FHOD1: variants seen among roughly 807,000 people sequenced by gnomAD.
The protein encoded by FHOD1 is formin homology 2 domain containing 1.
FHOD1 carries 89 observed loss-of-function variants against 111.6 expected under a neutral mutation model. The ratio of observed to expected loss-of-function variants is 0.80; its 90% confidence interval spans 0.67 to 0.95. The LOEUF is 0.95. Among genes scored for constraint, FHOD1 ranks in the 40% least tolerant of loss-of-function variants. The pLI, the probability that FHOD1 is intolerant of heterozygous loss-of-function variation, is 0.00. For synonymous variants in FHOD1, 618 were observed against 639.0 expected, an observed-to-expected ratio of 0.97 and a Z score of 0.50; for missense variants, 1,446 against 1,554.2, an observed-to-expected ratio of 0.93 and a Z score of 1.17.
chr16:67,244,273 C>T (rs2034747369), intron 1 of FHOD1, among the ~76,000 whole-genome samples: 1 of 151,988 alleles, frequency 6.6e-6, no homozygotes, highest in Non-Finnish European at 1.5e-5. Context: ...CGGAGAGGCT[C>T]CTGAGACACT....
Position 67,239,427 on chromosome 16 carries a change from G to A in FHOD1, c.229C>T (p.Pro77Ser). The change falls in exon 2 of 22, where the codon CCC becomes TCC. Residue 77 changes from proline to serine, a missense_variant. Pro to Ser is a moderately conservative substitution (Grantham distance 74). Around this residue, in one of 3 missense-constraint regions of FHOD1, gnomAD observed 127 missense variants for 118.0 expected, o/e 1.08. Coordinates refer to ENST00000258201, the MANE Select transcript of FHOD1 (RefSeq NM_013241.3). Reference protein sequence around the residue: ...KLEDCALQVSPSGYYLDTELS... With the variant: ...KLEDCALQVSSSGYYLDTELS... ...TCGGTGTCCAGGTAGTATCCGGAGGGAGACACTTGCAGAGCACAATCCTCC... is the reference window on the plus strand; with the variant it reads ...TCGGTGTCCAGGTAGTATCCGGAGGAAGACACTTGCAGAGCACAATCCTCC... 2 of 1,614,106 alleles carry A rather than the reference G, an allele frequency of 1.2e-6. No individual in the cohort carries two copies. Among genetic ancestry groups the A allele is most frequent in the South Asian group, 2.2e-5 (2 of 91,088 alleles).
rs1380627252 is a variant in FHOD1, at chr16:67,236,410, C to G, written c.1319+147G>C. On this transcript the variant is annotated intron_variant, in intron 11 of 21. Coordinates refer to ENST00000258201, the MANE Select transcript of FHOD1 (RefSeq NM_013241.3). ...AACCCCACCCGCTGGCAGTCACTTA[C>G]CAAACGGAAGCAGTTTGGTGAAGTC... 4.1e-6 allele frequency: 6 copies of G among 1,470,796 alleles called. No individual in the cohort carries two copies. The African/African-American group carries it at 5.7e-5, about 14-fold the overall frequency. 91.1% of individuals were successfully genotyped at this position (1,470,796 alleles called of 1,614,324 possible). A position where few individuals can be genotyped will look rare whatever the true frequency, so the allele number is the denominator to read the frequency against.
At position 67,238,539 on chromosome 16, in the gene FHOD1, T is replaced by C; in HGVS notation, c.374-92A>G. The C allele has an allele frequency of 8.2e-7, 1 of 1,215,734 alleles. No individual in the cohort carries two copies. The highest frequency in any genetic ancestry group is 1.2e-6 in the Non-Finnish European group (1 of 840,348). The allele number at this position is 1,215,734 out of a possible 1,614,324, so 75.3% of individuals were successfully genotyped here. ...ACCACAACTCTCCACCAAAGAATAGTCTAATATATATGTTTTGGTCTGAGA... is the reference window on the plus strand; with the variant it reads ...ACCACAACTCTCCACCAAAGAATAGCCTAATATATATGTTTTGGTCTGAGA... On this transcript the variant is annotated intron_variant, in intron 3 of 21. Transcript: ENST00000258201. The surrounding 1 kb of genome is among the most constrained non-coding windows in gnomAD (Gnocchi z 4.2).
At chr16:67,243,935 G>A (rs1448287209) in intron 1 of FHOD1, among the ~76,000 whole-genome samples, 1 of 152,162 alleles carries the variant, frequency 6.6e-6, no homozygotes, top group Non-Finnish European at 1.5e-5. Context: ...CAGCCCCAGG[G>A]GAGGCTAGGA....
intron 1 of FHOD1, among the ~76,000 whole-genome samples, chr16:67,245,387 A>G (rs1214621847): frequency 6.6e-6 from 1 of 152,140 alleles, no homozygotes; most frequent in African/African-American, 2.4e-5. Flanking sequence ...AGAGGGAGAT[A>G]GAAGGAGTGG....
intron 1 of FHOD1, among the ~76,000 whole-genome samples, chr16:67,243,105 C>T (rs909252677): frequency 3.3e-5 from 5 of 151,994 alleles, no homozygotes; most frequent in Admixed American, 6.6e-5. Context: ...ACTGAACATA[C>T]CAGAGCAGGG....
chr16:67,231,614 G>A lies in FHOD1; in HGVS notation c.2385+23C>T, dbSNP rs764122704. Reference sequence around the variant, plus strand: ...TGATGCTTACCTGTCCCTACTGACTGTCCCACTCCAAGACCCAGGTACCCG... The same window carrying A: ...TGATGCTTACCTGTCCCTACTGACTATCCCACTCCAAGACCCAGGTACCCG... On this transcript the variant is annotated intron_variant, in intron 15 of 21. Transcript: ENST00000258201. This position sits in a 1 kb window ranked among gnomAD's most constrained non-coding sequence, Gnocchi z 4.3. 2.5e-6 allele frequency: 4 copies of A among 1,614,072 alleles called. No individual in the cohort carries two copies. The Admixed American group carries it at 5.0e-5, about 20-fold the overall frequency.
intron 1 of FHOD1, 22 bp downstream of exon 1, chr16:67,247,188 A>G (rs1269518929): frequency 6.6e-7 from 1 of 1,520,640 alleles, no homozygotes; most frequent in Non-Finnish European, 8.8e-7. Context: ...GATCGCCCCA[A>G]CCTTTCTCCG....
rs1475434302 is a variant in FHOD1 at position 67,234,362 on chromosome 16, T to C, written c.1430A>G (p.His477Arg). 6.2e-7 allele frequency: 1 copy of C among 1,609,404 alleles called. No individual in the cohort carries two copies. The highest frequency in any genetic ancestry group is 8.5e-7 in the Non-Finnish European group (1 of 1,178,962). ...CTGCTCACCCACCTACTCACCTGGG[T>C]GTCCACCCGCCTCATTGGGCATGGC... ...AGAMPNEAGG[H>R]PDARQLWDSP... Residue 477 changes from histidine (H) to arginine (R), a missense_variant, in exon 12 of 22, where the codon CAC (histidine) becomes CGC (arginine). By Grantham distance (29) the His-to-Arg change is conservative (BLOSUM62 0). This residue lies in a region of FHOD1 where 1,085 missense variants were observed against 1,108.8 expected (regional missense o/e 0.98). Coordinates refer to ENST00000258201, the MANE Select transcript of FHOD1 (RefSeq NM_013241.3).
In FHOD1 at chr16:67,233,675, T is replaced by C. The variant is rs1264821062; in HGVS notation, c.2028A>G (p.Lys676=). 1 of 1,600,358 alleles carries C rather than the reference T, an allele frequency of 6.2e-7. No individual in the cohort carries two copies. The highest frequency in any genetic ancestry group is 8.6e-7 in the Non-Finnish European group (1 of 1,169,480). The part of the protein sequence containing the change: ...RLEHLFESRA[K]EVLPSKKAGE... ...GATTTACCTTGGAGGGCAGCACCTCTTTGGCACGAGACTCAAAGAGGTGTT... is the reference window on the plus strand; with the variant it reads ...GATTTACCTTGGAGGGCAGCACCTCCTTGGCACGAGACTCAAAGAGGTGTT... Residue 676 remains lysine, a synonymous_variant, in exon 13 of 22, where the codon AAA becomes AAG. Transcript: ENST00000258201.
chr16:67,240,646 C>G (rs562893059), intron 1 of FHOD1, among the ~76,000 whole-genome samples: 2 of 152,250 alleles, frequency 1.3e-5, no homozygotes, highest in Admixed American at 6.5e-5. Flanking sequence ...TTTCCCTCCC[C>G]GGGCTCTCCT....
rs150240690 is a variant in FHOD1 at position 67,234,390 on chromosome 16, C to T, written c.1402G>A (p.Gly468Arg). 5.9e-4 allele frequency: 943 copies of T among 1,610,488 alleles called. 8 individuals are homozygous for T. In the African/African-American group the frequency reaches 0.011, roughly 19 times the overall value. The change falls in exon 12 of 22, where the codon GGG becomes AGG. Residue 468 changes from glycine to arginine, a missense_variant. Physicochemically the swap from Gly to Arg is moderately radical, Grantham distance 125 (BLOSUM62 -2). Around this residue, in one of 3 missense-constraint regions of FHOD1, gnomAD observed 1,085 missense variants for 1,108.8 expected, o/e 0.98. Coordinates refer to ENST00000258201, the MANE Select transcript of FHOD1 (RefSeq NM_013241.3). ...CCACCCGCCTCATTGGGCATGGCCC[C>T]GGCAAGTGTCTCTGCCCGGCCCTGG... is the stretch of plus-strand genomic sequence containing the variant. ...LAQGRAETLAGAMPNEAGGHP... is the reference protein window; with the variant it reads ...LAQGRAETLARAMPNEAGGHP...
At chr16:67,239,288 T>G in intron 2 of FHOD1, 60 bp downstream of exon 2, 76 of 1,313,272 alleles carry the variant, frequency 5.8e-5, no homozygotes, top group Non-Finnish European at 7.6e-5. Flanking sequence ...TGCTGACATT[T>G]GAGCTAGCCC....
intron 11 of FHOD1, 44 bp from the exon 12 acceptor site, chr16:67,234,516 G>C: frequency 6.6e-7 from 1 of 1,513,816 alleles, no homozygotes; most frequent in Non-Finnish European, 8.9e-7. Flanking sequence ...ACACACCCCA[G>C]CCCAGGTGTA....
At position 67,230,474 on chromosome 16, in the gene FHOD1, G is replaced by GT; in HGVS notation, c.2890dup (p.Thr964AsnfsTer7). ...GCGCACTTCACGGGCCGCCTGCGGG[G>GT]TGTAGCCCAGGTAGAGCAGGAAGGC... On this transcript the variant is annotated frameshift_variant, in exon 19 of 22. Coordinates refer to ENST00000258201, the MANE Select transcript of FHOD1 (RefSeq NM_013241.3). LOFTEE classifies it high-confidence loss of function. The GT allele has an allele frequency of 1.2e-6, 2 of 1,614,268 alleles. No individual in the cohort carries two copies. The highest frequency in any genetic ancestry group is 1.7e-6 in the Non-Finnish European group (2 of 1,180,044).
intron 1 of FHOD1, among the ~76,000 whole-genome samples, chr16:67,240,849 C>T (rs2034643828): frequency 6.6e-6 from 1 of 152,228 alleles, no homozygotes; most frequent in Admixed American, 6.5e-5. Context: ...TGCCTTGGCC[C>T]AGGGAGAGCC....
chr16:67,231,447 A>G lies in FHOD1; in HGVS notation c.2488T>C (p.Phe830Leu). The change falls in exon 16 of 22, where the codon TTC becomes CTC. Residue 830 changes from phenylalanine (F) to leucine (L), a missense_variant. Around this residue, in one of 3 missense-constraint regions of FHOD1, gnomAD observed 1,085 missense variants for 1,108.8 expected, o/e 0.98. Coordinates refer to ENST00000258201, the MANE Select transcript of FHOD1 (RefSeq NM_013241.3). The surrounding 1 kb of genome is among the most constrained non-coding windows in gnomAD (Gnocchi z 4.3). ...TCACTCACCTGGGAGCCATTGAGGAAGTTGCCCACCGCTAGGAGGGTAGCC... is the reference window on the plus strand; with the variant it reads ...TCACTCACCTGGGAGCCATTGAGGAGGTTGCCCACCGCTAGGAGGGTAGCC... ...ILATLLAVGNFLNGSQSSGFE... is the reference protein window; with the variant it reads ...ILATLLAVGNLLNGSQSSGFE... The G allele has an allele frequency of 6.2e-7, 1 of 1,614,124 alleles. No individual in the cohort carries two copies. Among genetic ancestry groups the G allele is most frequent in the South Asian group, 1.1e-5 (1 of 91,082 alleles).
At position 67,233,901 on chromosome 16, in the gene FHOD1, G is replaced by C; in HGVS notation, c.1802C>G (p.Pro601Arg). 6.3e-7 allele frequency: 1 copy of C among 1,594,658 alleles called. No individual in the cohort carries two copies. The highest frequency in any genetic ancestry group is 8.5e-7 in the Non-Finnish European group (1 of 1,170,868). ...PPPIKGPFPPPPPLPLAAPLP... is the reference protein window; with the variant it reads ...PPPIKGPFPPRPPLPLAAPLP... ...AGGGGCAGCCAGAGGTAGAGGTGGAGGTGGTGGGAAGGGGCCTTTGATGGG... is the reference window on the plus strand; with the variant it reads ...AGGGGCAGCCAGAGGTAGAGGTGGACGTGGTGGGAAGGGGCCTTTGATGGG... Residue 601 changes from proline to arginine, a missense_variant, in exon 13 of 22, where the codon CCT becomes CGT. Coordinates refer to ENST00000258201, the MANE Select transcript of FHOD1 (RefSeq NM_013241.3).
chr16:67,231,733 T>C lies in FHOD1; in HGVS notation c.2289A>G (p.Pro763=), dbSNP rs1341299292. ...QLANPDIPLG[P]AENFLMTLAS... The stretch of plus-strand genomic sequence containing the variant: ...CAAGAGTCATCAGGAAGTTCTCGGC[T>C]GGGCCCAGGGGTATGTCAGGGTTGG... Residue 763 remains proline (P), a synonymous_variant, in exon 15 of 22, where the codon CCA becomes CCG. Transcript: ENST00000258201. The surrounding 1 kb of genome is among the most constrained non-coding windows in gnomAD (Gnocchi z 4.3). 6.2e-7 allele frequency: 1 copy of C among 1,613,940 alleles called. No homozygotes were observed. Among genetic ancestry groups the C allele is most frequent in the Non-Finnish European group, 8.5e-7 (1 of 1,180,004 alleles).
Sources: gnomAD v4.1 joint callset for allele counts (sites outside exome capture counted in the v4.1 genomes callset) on GRCh38, gnomAD v4.1.1 for gene constraint, gnomAD v4.1.1 regional missense constraint, Gnocchi (gnomAD v3.1) non-coding constraint, MANE v1.5 for transcripts, NCBI Gene and HGNC (gene_info 2026-07-23, HGNC 2026-07-21) for gene names.